BRD8: variants seen among roughly 807,000 people sequenced by gnomAD.
The protein encoded by BRD8 is bromodomain containing 8, also known as bromodomain-containing protein 8.
A neutral mutation model predicts 143.1 loss-of-function variants in BRD8; 67 were observed. The ratio of observed to expected loss-of-function variants is 0.47; its 90% CI spans 0.38 to 0.57. The LOEUF (loss-of-function observed/expected upper bound fraction) is 0.57. Among genes scored for constraint, BRD8 ranks in the 20% least tolerant of loss-of-function variants. BRD8 has a pLI of 0.00. For synonymous variants in BRD8, 505 were observed against 517.1 expected, an observed-to-expected ratio of 0.98 and a Z score of 0.32; for missense variants, 1,103 against 1,503.0, an observed-to-expected ratio of 0.73 and a Z score of 4.40.
At chr5:138,142,759 C>CAAAAA (rs35529846) in intron 25 of BRD8, among the ~76,000 whole-genome samples, 1 of 83,856 alleles carries the variant, frequency 1.2e-5, no homozygotes, top group Non-Finnish European at 2.3e-5. Flanking sequence ...AAGACTGTCT[C>CAAAAA]AAAAAAAAAA....
chr5:138,142,374 A>C (rs749506708), intron 25 of BRD8, among the ~76,000 whole-genome samples: 1 of 152,206 alleles, frequency 6.6e-6, no homozygotes, highest in Non-Finnish European at 1.5e-5. Flanking sequence ...GTGCTATAGC[A>C]GCACAGACTA....
At chr5:138,156,455 C>T (rs1752605669) in intron 20 of BRD8, among the ~76,000 whole-genome samples, 1 of 152,034 alleles carries the variant, frequency 6.6e-6, no homozygotes, top group Non-Finnish European at 1.5e-5. Context: ...ACTCTTTATA[C>T]AGAGTCTTTA....
intron 11 of BRD8, among the ~76,000 whole-genome samples, chr5:138,165,523 T>C (rs1005285246): frequency 1.3e-5 from 2 of 152,054 alleles, no homozygotes; most frequent in African/African-American, 4.8e-5. Context: ...GCCAGGAGTT[T>C]GAGACCAGCC....
intron 21 of BRD8, among the ~76,000 whole-genome samples, chr5:138,151,309 G>A (rs949370205): frequency 1.3e-5 from 2 of 152,202 alleles, no homozygotes; most frequent in South Asian, 2.1e-4. Flanking sequence ...CTAGAATAAA[G>A]TGTTGAAAAT....
At chr5:138,143,576 C>T (rs1323618476) in intron 25 of BRD8, among the ~76,000 whole-genome samples, 1 of 152,214 alleles carries the variant, frequency 6.6e-6, no homozygotes, top group African/African-American at 2.4e-5. Flanking sequence ...ACTTTTCTGT[C>T]TAGCTAAAGG....
At chr5:138,170,945 T>A (rs1581452874) in intron 5 of BRD8, 33 bp from the exon 6 acceptor site, 1 of 1,612,170 alleles carries the variant, frequency 6.2e-7, no homozygotes, top group African/African-American at 1.3e-5. Flanking sequence ...GTAGACTGGG[T>A]TTTTTAATCT....
chr5:138,164,013 G>A (rs1156566736), intron 14 of BRD8, 74 bp downstream of exon 14: 7 of 1,514,146 alleles, frequency 4.6e-6, no homozygotes, highest in Non-Finnish European at 6.4e-6. Context: ...TGACTTTACT[G>A]AAATTCATTA....
At chr5:138,162,842 T>A (rs567296966) in intron 15 of BRD8, among the ~76,000 whole-genome samples, 21 of 151,782 alleles carry the variant, frequency 1.4e-4, no homozygotes, top group East Asian at 3.9e-4. Flanking sequence ...ACTAAAAAAA[T>A]TTTTTTTAAT....
intron 3 of BRD8, 90 bp downstream of exon 3, chr5:138,171,975 A>G (rs943961404): frequency 1.0e-6 from 1 of 954,400 alleles, no homozygotes. Flanking sequence ...TCATGGTATA[A>G]AAGCTTTGTA....
chr5:138,170,678 C>CCCCT, intron 6 of BRD8, 154 bp downstream of exon 6: 1 of 756,738 alleles, frequency 1.3e-6, no homozygotes, highest in South Asian at 1.6e-5. Flanking sequence ...GACTCACTCC[C>CCCCT]CCCTCCCAGC....
At chr5:138,175,195 T>C (rs1006185085) in intron 2 of BRD8, among the ~76,000 whole-genome samples, 1 of 152,104 alleles carries the variant, frequency 6.6e-6, no homozygotes, top group Non-Finnish European at 1.5e-5. Context: ...TAAACTTAAG[T>C]TTTTAACCCA....
intron 23 of BRD8, among the ~76,000 whole-genome samples, chr5:138,147,319 C>A (rs1561599188): frequency 2.1e-5 from 3 of 143,760 alleles, no homozygotes; most frequent in South Asian, 4.5e-4. Flanking sequence ...TATATATATT[C>A]ATATATAAAT....
chr5:138,170,171 C>T (rs1035540186), intron 7 of BRD8, among the ~76,000 whole-genome samples, 174 bp downstream of exon 7: 6 of 152,174 alleles, frequency 3.9e-5, no homozygotes, highest in Admixed American at 6.5e-5. Flanking sequence ...CTGAGCACAA[C>T]GCATGTTCTA....
chr5:138,149,896 A>C (rs1238619267), intron 22 of BRD8, 99 bp from the exon 23 acceptor site: 1 of 1,158,244 alleles, frequency 8.6e-7, no homozygotes, highest in African/African-American at 1.6e-5. Flanking sequence ...TTAAGGTGAG[A>C]AGAGGTCAAT....
intron 2 of BRD8, among the ~76,000 whole-genome samples, chr5:138,175,808 G>A (rs1402900276): frequency 6.7e-6 from 1 of 150,310 alleles, no homozygotes; most frequent in East Asian, 1.9e-4. Flanking sequence ...CGGCTACTCA[G>A]GAGGCTGAGG....
Position 138,166,735 on chromosome 5 carries a change from A to G in BRD8, c.788-8T>C, listed in dbSNP as rs1437906333. The G allele has an allele frequency of 6.5e-7, 1 of 1,541,246 alleles. No homozygotes were observed. Among genetic ancestry groups the G allele is most frequent in the Non-Finnish European group, 9.0e-7 (1 of 1,114,996 alleles). ...GGGAAAGAGTGGGAGCACCTAACAT[A>G]TAAAGAGGTACACAAAATGAAGTAA... On this transcript the variant is annotated splice_polypyrimidine_tract_variant and splice_region_variant and intron_variant, in intron 9 of 26. Coordinates refer to ENST00000254900, the MANE Select transcript of BRD8 (RefSeq NM_139199.2).
In BRD8 at chr5:138,159,132, T is replaced by TA. The variant is rs575825783; in HGVS notation, c.2577+422dup. Reference sequence around the variant, plus strand: ...GCTTAAATTTTACTGTTTGTTACATTAGTCTTGCAACTTAATTTTAGGAGA... The same window carrying TA: ...GCTTAAATTTTACTGTTTGTTACATTAAGTCTTGCAACTTAATTTTAGGAGA... On this transcript the variant is annotated intron_variant, in intron 20 of 26. Transcript: ENST00000254900. Among the ~76,000 whole-genome samples the TA allele has an allele frequency of 4.5e-4, 68 of 152,296 alleles. 2 individuals are homozygous for TA. The South Asian group carries it at 5.4e-3, about 12-fold the overall frequency.
intron 21 of BRD8, 120 bp from the exon 22 acceptor site, chr5:138,151,128 T>G: frequency 7.7e-7 from 1 of 1,294,538 alleles, no homozygotes; most frequent in Non-Finnish European, 1.1e-6. Context: ...CAAAATGGTT[T>G]AATTAATACA....
At chr5:138,168,144 G>A (rs1247136244) in intron 8 of BRD8, 66 bp from the exon 9 acceptor site, 3 of 1,214,148 alleles carry the variant, frequency 2.5e-6, no homozygotes, top group Non-Finnish European at 3.6e-6. Context: ...TCCCAACAAA[G>A]CTCCAGCAGT....
Sources: allele counts gnomAD v4.1 joint callset (sites outside exome capture counted in the v4.1 genomes callset), GRCh38; gene constraint gnomAD v4.1.1; transcripts MANE v1.5; gene names NCBI Gene and HGNC (gene_info 2026-07-23, HGNC 2026-07-21).